SAMD5: variants seen among roughly 807,000 people sequenced by gnomAD.
SAMD5 encodes sterile alpha motif domain containing 5, also known as sterile alpha motif domain-containing protein 5.
In SAMD5, 13 loss-of-function variants were observed where a neutral mutation model predicts 11.3. The ratio of observed to expected loss-of-function variants is 1.15; its 90% CI spans 0.75 to 1.83. SAMD5 has a LOEUF of 1.83. SAMD5 is among the 40% of genes most tolerant of loss of function. The pLI is 0.00. For missense variants in SAMD5, 255 were observed against 239.1 expected, an observed-to-expected ratio of 1.07 and a Z score of -0.44; for synonymous variants, 129 against 111.3, an observed-to-expected ratio of 1.16 and a Z score of -1.00.
the SAMD5 span, among the ~76,000 whole-genome samples, chr6:147,788,796 C>A: frequency 3.3e-5 from 5 of 152,126 alleles, no homozygotes; most frequent in African/African-American, 1.2e-4. Flanking sequence ...TTAAAAACCA[C>A]CACCAGGACG....
chr6:147,701,063 A>G (rs1434042613), intron 1 of SAMD5, among the ~76,000 whole-genome samples: 2 of 152,174 alleles, frequency 1.3e-5, no homozygotes, highest in Non-Finnish European at 2.9e-5. Flanking sequence ...TGTAAACTAC[A>G]CTGAAACTGG....
chr6:147,585,788 T>A (rs1279906912), intron 1 of SAMD5, among the ~76,000 whole-genome samples: 1 of 152,182 alleles, frequency 6.6e-6, no homozygotes, highest in Non-Finnish European at 1.5e-5. Context: ...AGAACTTTGA[T>A]TTTCTTAAGA....
At chr6:147,942,168 C>T in the SAMD5 span, among the ~76,000 whole-genome samples, 17 of 152,116 alleles carry the variant, frequency 1.1e-4, no homozygotes, top group African/African-American at 4.1e-4. Context: ...TGAGCCACTG[C>T]GCCTGGCTGT....
At chr6:147,646,970 T>C (rs961023847) in intron 1 of SAMD5, among the ~76,000 whole-genome samples, 1 of 135,080 alleles carries the variant, frequency 7.4e-6, no homozygotes, top group Non-Finnish European at 1.5e-5. Flanking sequence ...AAACCTCATC[T>C]CTAATAATAA....
chr6:147,885,926 A>G, the SAMD5 span, among the ~76,000 whole-genome samples: 4 of 152,374 alleles, frequency 2.6e-5, no homozygotes, highest in African/African-American at 7.2e-5. Context: ...TAAAGAACAT[A>G]TAATTTCTAT....
chr6:147,534,406 C>T (rs73787087), intron 1 of SAMD5, among the ~76,000 whole-genome samples: 1 of 152,100 alleles, frequency 6.6e-6, no homozygotes, highest in Non-Finnish European at 1.5e-5. Context: ...CTGTAACCAC[C>T]CAAGGGCTTT....
chr6:147,933,473 G>A, the SAMD5 span, among the ~76,000 whole-genome samples: 1 of 151,892 alleles, frequency 6.6e-6, no homozygotes, highest in Non-Finnish European at 1.5e-5. Context: ...GCTTGTATTA[G>A]GGTGGAAACT....
chr6:147,637,851 G>T (rs890493418), intron 1 of SAMD5, among the ~76,000 whole-genome samples: 2 of 139,808 alleles, frequency 1.4e-5, no homozygotes, highest in African/African-American at 5.8e-5. Flanking sequence ...CTTTTCAAAA[G>T]CAAGTTCGGT....
chr6:147,578,446 T>C (rs185903490), intron 1 of SAMD5, among the ~76,000 whole-genome samples: 1 of 152,316 alleles, frequency 6.6e-6, no homozygotes, highest in Admixed American at 6.5e-5. Context: ...TTCACTTTTG[T>C]AGATAGTGAG....
At position 147,567,942 on chromosome 6, in the gene SAMD5, A is replaced by C; in HGVS notation, c.*3486A>C. 1.0e-6 allele frequency: 1 copy of C among 986,002 alleles called. No homozygotes were observed. Among genetic ancestry groups the C allele is most frequent in the Non-Finnish European group, 1.2e-6 (1 of 830,412 alleles). 61.1% of individuals were successfully genotyped at this position (986,002 alleles called of 1,614,324 possible). On this transcript the variant is annotated 3_prime_UTR_variant, in exon 2 of 2. Coordinates refer to ENST00000367474, the MANE Select transcript of SAMD5 (RefSeq NM_001030060.3). ...TCTCAAAACAAAACAAAACAAAACA[A>C]AACAGCAAATTCATAAAGGCCAGCA... is the stretch of plus-strand genomic sequence containing the variant.
chr6:147,658,926 G>C (rs889417415), intron 1 of SAMD5, among the ~76,000 whole-genome samples: 2 of 152,178 alleles, frequency 1.3e-5, no homozygotes, highest in Non-Finnish European at 2.9e-5. Flanking sequence ...CAGGCACAGA[G>C]ATATAATTTA....
At chr6:147,681,319 G>A (rs921209143) in intron 1 of SAMD5, among the ~76,000 whole-genome samples, 15 of 152,056 alleles carry the variant, frequency 9.9e-5, no homozygotes, top group Admixed American at 3.3e-4. Flanking sequence ...CTAATCTGCT[G>A]TTAGTTGCAT....
chr6:147,755,519 A>G, the SAMD5 span, among the ~76,000 whole-genome samples: 1 of 152,042 alleles, frequency 6.6e-6, no homozygotes. Context: ...TGTCTAGTGC[A>G]TTTTCTGTAC....
intron 1 of SAMD5, among the ~76,000 whole-genome samples, chr6:147,727,153 G>A (rs1791640601): frequency 6.6e-6 from 1 of 152,080 alleles, no homozygotes; most frequent in South Asian, 2.1e-4. Context: ...CTCTCCACTT[G>A]CCCTTACACA....
At chr6:147,588,431 A>G (rs1789406198) in intron 1 of SAMD5, among the ~76,000 whole-genome samples, 1 of 149,964 alleles carries the variant, frequency 6.7e-6, no homozygotes. Context: ...CTCCTGCCTC[A>G]GCCTCCCAAG....
intron 1 of SAMD5, among the ~76,000 whole-genome samples, chr6:147,549,250 C>T (rs538615720): frequency 1.3e-5 from 2 of 152,310 alleles, no homozygotes; most frequent in East Asian, 1.9e-4. Flanking sequence ...ATTGCAGCCA[C>T]GGTTGAGCAA....
rs1789075670 is a variant in SAMD5 at position 147,568,241 on chromosome 6, T to C, written c.*3785T>C. ...TTTCTATGAAAAGAAAAACCAGATATACCAGGGACTGGAAAGCACCTGCTT... is the reference window on the plus strand; with the variant it reads ...TTTCTATGAAAAGAAAAACCAGATACACCAGGGACTGGAAAGCACCTGCTT... On this transcript the variant is annotated 3_prime_UTR_variant, in exon 2 of 2. Coordinates refer to ENST00000367474, the MANE Select transcript of SAMD5 (RefSeq NM_001030060.3). The C allele has an allele frequency of 1.0e-6, 1 of 985,222 alleles. No homozygotes were observed. Among genetic ancestry groups the C allele is most frequent in the Non-Finnish European group, 1.2e-6 (1 of 829,914 alleles). The allele number at this position is 985,222 out of a possible 1,614,324, so 61.0% of individuals were successfully genotyped here.
chr6:147,856,404 A>G, the SAMD5 span, among the ~76,000 whole-genome samples: 2 of 152,314 alleles, frequency 1.3e-5, no homozygotes, highest in South Asian at 4.1e-4. Context: ...AAGTACATAT[A>G]TCAAATTGTA....
the SAMD5 span, among the ~76,000 whole-genome samples, chr6:147,828,955 G>T: frequency 2.0e-5 from 3 of 152,138 alleles, no homozygotes; most frequent in Admixed American, 2.0e-4. Context: ...GAGGATAGAT[G>T]AAACCATTAG....
Sources: allele counts gnomAD v4.1 joint callset (sites outside exome capture counted in the v4.1 genomes callset), GRCh38; gene constraint gnomAD v4.1.1; transcripts MANE v1.5; gene names NCBI Gene and HGNC (gene_info 2026-07-23, HGNC 2026-07-21).